MGRN1: variants seen among roughly 807,000 people sequenced by gnomAD.
The protein encoded by MGRN1 is E3 ubiquitin-protein ligase MGRN1.
In MGRN1, 29 loss-of-function variants were observed where a neutral mutation model predicts 69.2. That is an observed-to-expected ratio of 0.42 (90% CI 0.31 to 0.57). The LOEUF (loss-of-function observed/expected upper bound fraction) is 0.57. Ranked by LOEUF, MGRN1 falls within the 20% of genes least tolerant of loss-of-function variation. MGRN1 has a pLI of 0.15. For synonymous variants in MGRN1, 470 were observed against 344.2 expected (o/e 1.37, Z -4.04); for missense variants, 998 against 796.2 (o/e 1.25, Z -3.05).
intron 1 of MGRN1, among the ~76,000 whole-genome samples, chr16:4,645,239 T>C (rs1270237270): frequency 6.6e-6 from 1 of 152,104 alleles, no homozygotes; most frequent in Non-Finnish European, 1.5e-5. Context: ...CATGGCTTAC[T>C]GCAGCCTCGA....
intron 1 of MGRN1, among the ~76,000 whole-genome samples, chr16:4,631,190 A>G (rs1006078266): frequency 1.8e-4 from 28 of 152,160 alleles, no homozygotes; most frequent in Admixed American, 4.6e-4. Context: ...ATGGAATTCA[A>G]TTATTTTAGT....
intron 2 of MGRN1, 97 bp downstream of exon 2, chr16:4,650,580 A>C (rs1017314279): frequency 2.1e-6 from 2 of 963,544 alleles, no homozygotes; most frequent in Non-Finnish European, 3.1e-6. Context: ...CAGGCACCAA[A>C]TCACCCCTAA....
At chr16:4,681,520 T>G in intron 12 of MGRN1, 30 bp from the exon 13 acceptor site, 6 of 1,587,562 alleles carry the variant, frequency 3.8e-6, no homozygotes, top group Non-Finnish European at 5.2e-6. Context: ...TCCCTGGGCA[T>G]GAGCCCCCTC....
chr16:4,689,018 A>C lies in MGRN1; in HGVS notation c.*110A>C. The C allele has an allele frequency of 7.2e-7, 1 of 1,391,328 alleles. No individual in the cohort carries two copies. 86.2% of individuals were successfully genotyped at this position (1,391,328 alleles called of 1,614,324 possible). ...TCCTGTCTGCATGCCCCCTGTGGCC[A>C]CCAGGCTCCGAGGGGCCGTGGTGAC... On this transcript the variant is annotated 3_prime_UTR_variant, in exon 17 of 17. Transcript: ENST00000262370.
At chr16:4,682,085 G>C (rs1280888236) in intron 13 of MGRN1, among the ~76,000 whole-genome samples, 3 of 152,222 alleles carry the variant, frequency 2.0e-5, no homozygotes, top group African/African-American at 7.2e-5. Flanking sequence ...CTCTGCTGAG[G>C]GGAGCCCCTT....
At chr16:4,641,028 G>A (rs1011901888) in intron 1 of MGRN1, among the ~76,000 whole-genome samples, 17 of 152,334 alleles carry the variant, frequency 1.1e-4, no homozygotes, top group East Asian at 7.7e-4. Flanking sequence ...AGCCTGGTGG[G>A]TGTGGTTCCA....
In MGRN1 at chr16:4,675,283, A is replaced by AT. The variant is rs141623271; in HGVS notation, c.955+1634dup. On this transcript the variant is annotated intron_variant, in intron 10 of 16. Coordinates refer to ENST00000262370, the MANE Select transcript of MGRN1 (RefSeq NM_015246.4). ...CACAGGGCCCTGCCTTGTTTTTAAA[A>AT]TTTTTTTTGTAGAGACAGGGTCTTG... Among the ~76,000 whole-genome samples the AT allele has an allele frequency of 8.7e-3, 1,328 of 151,962 alleles. 25 individuals are homozygous for AT. The highest frequency in any genetic ancestry group is 0.03 in the African/African-American group (1,251 of 41,440).
intron 14 of MGRN1, 104 bp downstream of exon 14, chr16:4,683,050 C>T (rs1445451968): frequency 3.8e-5 from 56 of 1,473,216 alleles, no homozygotes; most frequent in Non-Finnish European, 4.3e-5. Flanking sequence ...TGGGCGCCCC[C>T]GTGCTTGTTG....
In MGRN1 at chr16:4,668,452, C is replaced by A. The variant is rs962776940; in HGVS notation, c.726+140C>A. The A allele has an allele frequency of 6.0e-6, 5 of 838,742 alleles. No homozygotes were observed. The African/African-American group carries it at 8.5e-5, about 14-fold the overall frequency. The allele number at this position is 838,742 out of a possible 1,614,324, so 52.0% of individuals were successfully genotyped here. A position where few individuals can be genotyped will look rare whatever the true frequency, so the allele number is the denominator to read the frequency against. The stretch of plus-strand genomic sequence containing the variant: ...ACGCTCATACACACTCATACACATT[C>A]ACTTGCACATATATACGGACACACA... On this transcript the variant is annotated intron_variant, in intron 8 of 16. Transcript: ENST00000262370.
chr16:4,654,098 G>A (rs776666131), intron 4 of MGRN1, among the ~76,000 whole-genome samples: 1 of 151,968 alleles, frequency 6.6e-6, no homozygotes, highest in Non-Finnish European at 1.5e-5. Flanking sequence ...GCTCTTAGAC[G>A]ACACTTCCAA....
chr16:4,664,961 G>A, intron 6 of MGRN1, 141 bp from the exon 7 acceptor site: 2 of 1,169,964 alleles, frequency 1.7e-6, no homozygotes, highest in Non-Finnish European at 2.5e-6. Context: ...CAGGAGGGCA[G>A]GTCCCAGAAC....
chr16:4,650,179 G>T (rs143085165), intron 1 of MGRN1, 186 bp from the exon 2 acceptor site: 5 of 500,272 alleles, frequency 1.0e-5, no homozygotes, highest in African/African-American at 4.0e-5. Context: ...GGTGGGTGCC[G>T]GTAATCCCAG....
In MGRN1 at chr16:4,629,260, CAA is replaced by C. The variant is rs765912388; in HGVS notation, c.88+4214_88+4215del. On this transcript the variant is annotated intron_variant, in intron 1 of 16. Coordinates refer to ENST00000262370, the MANE Select transcript of MGRN1 (RefSeq NM_015246.4). ...GATTGTTTATCTTACGGAGTTGTAA[CAA>C]AGAGTTCTTTATGTGTTCTGGATAG... Among the ~76,000 whole-genome samples, 19 of 151,856 alleles carry C rather than the reference CAA, an allele frequency of 1.3e-4. No homozygotes were observed. The East Asian group carries it at 1.4e-3, about 11-fold the overall frequency.
At position 4,690,726 on chromosome 16, in the gene MGRN1, C is replaced by T. The variant is rs1218912928; in HGVS notation, c.*1818C>T. ...GCATCTCCCACGCACCTCTACCCCA[C>T]CCCAAGCACCTCTCTCCCCCCATGC... is the stretch of plus-strand genomic sequence containing the variant. On this transcript the variant is annotated 3_prime_UTR_variant, in exon 17 of 17. Coordinates refer to ENST00000262370, the MANE Select transcript of MGRN1 (RefSeq NM_015246.4). 2.0e-5 allele frequency: 3 copies of T among 151,914 alleles called. No individual in the cohort carries two copies. Among genetic ancestry groups the T allele is most frequent in the Admixed American group, 2.0e-4 (3 of 15,242 alleles). 9.4% of individuals were successfully genotyped at this position (151,914 alleles called of 1,614,324 possible).
Position 4,677,586 on chromosome 16 carries a change from C to G in MGRN1, c.1065+14C>G, listed in dbSNP as rs972056587. 4 of 1,597,712 alleles carry G rather than the reference C, an allele frequency of 2.5e-6. No individual in the cohort carries two copies. Among genetic ancestry groups the G allele is most frequent in the Admixed American group, 1.7e-5 (1 of 59,972 alleles). ...GATGAGCACTCTGTAAGTGCCGCCT[C>G]CTGCCTGCGGGATGGGCGGGAGAGG... On this transcript the variant is annotated intron_variant, in intron 11 of 16. Transcript: ENST00000262370.
intron 1 of MGRN1, among the ~76,000 whole-genome samples, chr16:4,632,069 C>T (rs1393955199): frequency 4.0e-5 from 5 of 126,178 alleles, no homozygotes. Flanking sequence ...GGCTGGAGGG[C>T]AATGGCGCAA....
chr16:4,686,544 G>T, intron 16 of MGRN1: 1 of 1,356,016 alleles, frequency 7.4e-7, no homozygotes, highest in Non-Finnish European at 9.5e-7. Flanking sequence ...TCTGGACTAG[G>T]CGGCCGGTCA....
In MGRN1 at chr16:4,639,959, T is replaced by G. The variant is rs570104555; in HGVS notation, c.89-10406T>G. On this transcript the variant is annotated intron_variant, in intron 1 of 16. Coordinates refer to ENST00000262370, the MANE Select transcript of MGRN1 (RefSeq NM_015246.4). Reference sequence around the variant, plus strand: ...GCTCCGCGGCTCCGACGGTGTTTGCTGCGGCTCCTCTGCTGCGTTGAGTCC... The same window carrying G: ...GCTCCGCGGCTCCGACGGTGTTTGCGGCGGCTCCTCTGCTGCGTTGAGTCC... 3 of 152,496 alleles carry G rather than the reference T, an allele frequency of 2.0e-5. No individual in the cohort carries two copies. The South Asian group carries it at 6.2e-4, about 32-fold the overall frequency. 9.4% of individuals were successfully genotyped at this position (152,496 alleles called of 1,614,324 possible).
intron 1 of MGRN1, among the ~76,000 whole-genome samples, chr16:4,629,197 G>A (rs970346226): frequency 3.3e-5 from 4 of 121,244 alleles, no homozygotes; most frequent in Non-Finnish European, 7.4e-5. Context: ...TGTGTGAAAA[G>A]TGTCTATTTG....
Sources: gnomAD v4.1 joint callset for allele counts (sites outside exome capture counted in the v4.1 genomes callset) on GRCh38, gnomAD v4.1.1 for gene constraint, MANE v1.5 for transcripts, NCBI Gene and HGNC (gene_info 2026-07-23, HGNC 2026-07-21) for gene names.